Variants in LIG3 observed in about 807,000 individuals in gnomAD.
The protein encoded by LIG3 is DNA ligase 3.
In LIG3, 58 loss-of-function variants were observed where a neutral mutation model predicts 110.9. The observed-to-expected ratio is 0.52, with a 90% CI of 0.42 to 0.65. LIG3 has a LOEUF of 0.65. Ranked by LOEUF, LIG3 falls within the 30% of genes least tolerant of loss-of-function variation. The pLI, the probability that LIG3 is intolerant of heterozygous loss-of-function variation, is 0.00. For synonymous variants in LIG3, 422 were observed against 472.8 expected, an observed-to-expected ratio of 0.89 and a Z score of 1.39; for missense variants, 1,094 against 1,273.8, an observed-to-expected ratio of 0.86 and a Z score of 2.15.
chr17:34,980,719 C>T, intron 1 of LIG3, 97 bp downstream of exon 1: 1 of 657,906 alleles, frequency 1.5e-6, no homozygotes, highest in Non-Finnish European at 1.9e-6. Context: ...GGGAGCCAGC[C>T]CCCCGGCTCC....
At chr17:34,990,818 A>G in intron 4 of LIG3, 145 bp from the exon 5 acceptor site, 1 of 689,260 alleles carries the variant, frequency 1.5e-6, no homozygotes, top group South Asian at 2.1e-5. Flanking sequence ...GGTGGTCTCA[A>G]ACTTGTGAGC....
Position 35,005,215 on chromosome 17 carries a change from C to T in LIG3, c.*709C>T, listed in dbSNP as rs901403769. On this transcript the variant is annotated 3_prime_UTR_variant, in exon 20 of 20. Transcript: ENST00000378526. Reference sequence around the variant, plus strand: ...AGAGGGCTCCAGGAAGATCTGCATCCCCAAAACCTGGAAACAAGACTGTTC... The same window carrying T: ...AGAGGGCTCCAGGAAGATCTGCATCTCCAAAACCTGGAAACAAGACTGTTC... 3 of 444,952 alleles carry T rather than the reference C, an allele frequency of 6.7e-6. No individual in the cohort carries two copies. The highest frequency in any genetic ancestry group is 2.0e-5 in the African/African-American group (1 of 49,770). The allele number at this position is 444,952 out of a possible 1,614,324, so 27.6% of individuals were successfully genotyped here. A position where few individuals can be genotyped will look rare whatever the true frequency, so the allele number is the denominator to read the frequency against.
intron 17 of LIG3, 59 bp downstream of exon 17, chr17:35,001,462 T>C (rs969783752): frequency 2.3e-4 from 352 of 1,543,912 alleles, no homozygotes; most frequent in Non-Finnish European, 3.0e-4. Context: ...CTTGGAGCCT[T>C]GGGCATCTAG....
chr17:35,002,624 T>A (rs1410018375), intron 18 of LIG3, 44 bp from the exon 19 acceptor site: 2 of 1,594,036 alleles, frequency 1.3e-6, no homozygotes, highest in Admixed American at 1.7e-5. Flanking sequence ...TAGCTGGGAC[T>A]ATAGGTGTGC....
Position 34,992,656 on chromosome 17 carries a change from C to G in LIG3, c.1419C>G (p.Val473=), listed in dbSNP as rs753016506. The change falls in exon 8 of 20, where the codon GTC becomes GTG. Residue 473 remains valine (V), a synonymous_variant. Coordinates refer to ENST00000378526, the MANE Select transcript of LIG3 (RefSeq NM_013975.4). ...KEPGQRRALS[V]QASLMTPVQP... is the part of the protein sequence containing the mutation. Reference sequence around the variant, plus strand: ...CGGGCCAGAGACGAGCTCTGAGCGTCCAGGCCTCGCTGATGACACCTGTGC... The same window carrying G: ...CGGGCCAGAGACGAGCTCTGAGCGTGCAGGCCTCGCTGATGACACCTGTGC... The G allele has an allele frequency of 5.6e-6, 9 of 1,610,802 alleles. No individual in the cohort carries two copies. In the South Asian group the frequency reaches 9.9e-5, roughly 18 times the overall value.
intron 18 of LIG3, among the ~76,000 whole-genome samples, chr17:35,002,333 C>T (rs2090852252): frequency 6.6e-6 from 1 of 152,176 alleles, no homozygotes. Context: ...ACCCTGGGGA[C>T]AGCCAGTCTG....
At position 34,983,343 on chromosome 17, in the gene LIG3, T is replaced by C; in HGVS notation, c.338T>C (p.Val113Ala). Residue 113 changes from valine to alanine, a missense_variant, in exon 2 of 20, where the codon GTG becomes GCG. Physicochemically the swap from Val to Ala is moderately conservative, Grantham distance 64. Transcript: ENST00000378526. ...TGCAAAAAATGCAAGGAAAAGATTG[T>C]GAAGGGCGTATGCCGAATTGGCAAA... ...AGCKKCKEKI[V>A]KGVCRIGKVV... 1 of 1,614,194 alleles carries C rather than the reference T, an allele frequency of 6.2e-7. No individual in the cohort carries two copies. Among genetic ancestry groups the C allele is most frequent in the Admixed American group, 1.7e-5 (1 of 60,030 alleles).
chr17:34,994,486 A>G, intron 9 of LIG3, 55 bp downstream of exon 9: 2 of 1,565,676 alleles, frequency 1.3e-6, no homozygotes, highest in East Asian at 2.3e-5. Context: ...GCCTCTAACA[A>G]CCTCAGGGCC....
intron 5 of LIG3, chr17:34,991,463 C>T (rs952368752): frequency 6.5e-6 from 4 of 612,636 alleles, no homozygotes; most frequent in South Asian, 2.1e-5. Context: ...TTGGTTTGTC[C>T]GTGACTCTAT....
intron 8 of LIG3, 65 bp downstream of exon 8, chr17:34,992,757 T>A: frequency 1.4e-6 from 2 of 1,458,572 alleles, no homozygotes; most frequent in Non-Finnish European, 1.8e-6. Context: ...TGGGCTGAGA[T>A]CAGATAGGGT....
At chr17:35,010,646 G>T (rs1247480535), downstream of LIG3, 2 of 152,168 alleles carry the variant, frequency 1.3e-5, no homozygotes, top group Non-Finnish European at 2.9e-5. Context: ...CAGCTACTCT[G>T]GAGGCTAAGG....
chr17:34,997,854 T>C, intron 12 of LIG3, 29 bp downstream of exon 12: 1 of 1,567,374 alleles, frequency 6.4e-7, no homozygotes, highest in East Asian at 2.2e-5. Context: ...CTAGGCAGTG[T>C]CCTAGAAGTT....
At chr17:35,003,233 T>A in intron 19 of LIG3, 1 of 1,361,110 alleles carries the variant, frequency 7.3e-7, no homozygotes, top group Middle Eastern at 2.3e-4. Context: ...GTGACTCTCC[T>A]CCCACCTGAG....
chr17:35,007,338 A>G lies in LIG3; in HGVS notation c.*2832A>G, dbSNP rs1430193812. 6.6e-6 allele frequency: 1 copy of G among 152,090 alleles called. No individual in the cohort carries two copies. Among genetic ancestry groups the G allele is most frequent in the African/African-American group, 2.4e-5 (1 of 41,388 alleles). 9.4% of individuals were successfully genotyped at this position (152,090 alleles called of 1,614,324 possible). On this transcript the variant is annotated 3_prime_UTR_variant, in exon 20 of 20. Coordinates refer to ENST00000378526, the MANE Select transcript of LIG3 (RefSeq NM_013975.4). ...TTCCAGTCTTTGCTGCTGAGATCTG[A>G]CTGTATATACTATTTTGTATCCTTT...
At chr17:34,980,735 C>A in intron 1 of LIG3, 113 bp downstream of exon 1, 1 of 511,206 alleles carries the variant, frequency 2.0e-6, no homozygotes, top group African/African-American at 2.1e-5. Context: ...GCTCCTCCCC[C>A]GCCCGCCTGC....
chr17:35,004,183 C>G, intron 19 of LIG3, 90 bp from the exon 20 acceptor site: 1 of 890,924 alleles, frequency 1.1e-6, no homozygotes, highest in South Asian at 1.5e-5. Context: ...TAACTCTAGG[C>G]TCCCTCATTC....
At chr17:35,001,791 T>C in intron 17 of LIG3, 118 bp from the exon 18 acceptor site, 2 of 901,272 alleles carry the variant, frequency 2.2e-6, no homozygotes, top group Non-Finnish European at 3.3e-6. Flanking sequence ...TTTTCCTTGC[T>C]CTTTATCTTT....
In LIG3 at chr17:35,005,007, A is replaced by G. The variant is rs2090883968; in HGVS notation, c.*501A>G. The G allele has an allele frequency of 3.4e-6, 1 of 298,068 alleles. No homozygotes were observed. Among genetic ancestry groups the G allele is most frequent in the African/African-American group, 2.2e-5 (1 of 46,182 alleles). 18.5% of individuals were successfully genotyped at this position (298,068 alleles called of 1,614,324 possible). ...TAGCGGAACTTGTATTCAGCCTGAC[A>G]CGCTTTGCCAGGAACAAACCTCATG... On this transcript the variant is annotated 3_prime_UTR_variant, in exon 20 of 20. Transcript: ENST00000378526.
Position 35,007,049 on chromosome 17 carries a change from A to G in LIG3, c.*2543A>G, listed in dbSNP as rs899714964. The G allele has an allele frequency of 6.6e-6, 1 of 152,282 alleles. No individual in the cohort carries two copies. 9.4% of individuals were successfully genotyped at this position (152,282 alleles called of 1,614,324 possible). ...GCTCCTCCTTTGAGTACTGACCTAC[A>G]TAGATTTCCATTTCTCTCTTCAGCC... On this transcript the variant is annotated 3_prime_UTR_variant, in exon 20 of 20. Transcript: ENST00000378526.
Sources: gnomAD v4.1 joint callset for allele counts (sites outside exome capture counted in the v4.1 genomes callset) on GRCh38, gnomAD v4.1.1 for gene constraint, MANE v1.5 for transcripts, NCBI Gene and HGNC (gene_info 2026-07-23, HGNC 2026-07-21) for gene names.